Variants in BACH2 observed in about 807,000 individuals in gnomAD.
BACH2 encodes transcription regulator protein BACH2.
In BACH2, 5 loss-of-function variants were observed where a neutral mutation model predicts 61.8. The observed-to-expected ratio is 0.08, with a 90% CI of 0.04 to 0.17. BACH2 has a LOEUF of 0.17. Among genes scored for constraint, BACH2 ranks in the 10% least tolerant of loss-of-function variants. The pLI, the probability that BACH2 is intolerant of heterozygous loss-of-function variation, is 1.00. For synonymous variants in BACH2, 446 were observed against 440.1 expected, an observed-to-expected ratio of 1.01 and a Z score of -0.17; for missense variants, 824 against 1,091.1, an observed-to-expected ratio of 0.76 and a Z score of 3.45.
intron 5 of BACH2, among the ~76,000 whole-genome samples, chr6:90,085,552 T>C (rs562804811): frequency 6.9e-4 from 105 of 152,282 alleles, no homozygotes; most frequent in Admixed American, 1.2e-3. Context: ...GAGACCACAG[T>C]TGTTTAAGGC....
chr6:90,054,256 T>A (rs1274416996), intron 5 of BACH2, among the ~76,000 whole-genome samples: 3 of 152,172 alleles, frequency 2.0e-5, no homozygotes, highest in African/African-American at 7.2e-5. Flanking sequence ...GAAAATCAGG[T>A]CACTTCCACC....
At position 90,008,974 on chromosome 6, in the gene BACH2, C is replaced by T. The variant is rs143840758; in HGVS notation, c.-12-118G>A. The T allele has an allele frequency of 7.8e-3, 9,697 of 1,251,216 alleles. 53 individuals are homozygous for T. Among genetic ancestry groups the T allele is most frequent in the Middle Eastern group, 0.015 (52 of 3,538 alleles). The allele number at this position is 1,251,216 out of a possible 1,614,324, so 77.5% of individuals were successfully genotyped here. ...GGTTCCTGTGTCCCACTGCCATGAGCATGGCAGGAAGGAGGGGAATTACCA... is the reference window on the plus strand; with the variant it reads ...GGTTCCTGTGTCCCACTGCCATGAGTATGGCAGGAAGGAGGGGAATTACCA... On this transcript the variant is annotated intron_variant, in intron 5 of 8. Coordinates refer to ENST00000257749, the MANE Select transcript of BACH2 (RefSeq NM_021813.4). This position sits in a 1 kb window ranked among gnomAD's most constrained non-coding sequence, Gnocchi z 4.1.
At chr6:90,172,286 A>G (rs1288158881) in intron 4 of BACH2, among the ~76,000 whole-genome samples, 1 of 146,158 alleles carries the variant, frequency 6.8e-6, no homozygotes, top group African/African-American at 2.6e-5. Flanking sequence ...AGCCCGGGTG[A>G]CAGAGCAAGA....
chr6:90,057,719 T>A (rs1360347439), intron 5 of BACH2, among the ~76,000 whole-genome samples: 2 of 152,148 alleles, frequency 1.3e-5, no homozygotes, highest in African/African-American at 4.8e-5. Context: ...GATGCAAAAA[T>A]CCTCAAGAAA....
intron 5 of BACH2, among the ~76,000 whole-genome samples, chr6:90,025,958 C>T (rs1778612419): frequency 6.6e-6 from 1 of 152,158 alleles, no homozygotes; most frequent in Admixed American, 6.5e-5. Context: ...GAAGGCACTG[C>T]AGATTTGTAC....
chr6:90,158,421 A>G (rs1308231062), intron 4 of BACH2, among the ~76,000 whole-genome samples: 2 of 150,600 alleles, frequency 1.3e-5, no homozygotes, highest in African/African-American at 4.9e-5. Flanking sequence ...TCGAGAAGAA[A>G]GGCAGGTGTG....
chr6:90,208,247 A>C (rs573723719), intron 3 of BACH2, among the ~76,000 whole-genome samples: 1 of 152,356 alleles, frequency 6.6e-6, no homozygotes, highest in East Asian at 1.9e-4. Context: ...AGCAAAAGAA[A>C]CTATCAGCAG....
At chr6:90,130,114 G>C (rs1562464083) in intron 4 of BACH2, among the ~76,000 whole-genome samples, 1 of 152,124 alleles carries the variant, frequency 6.6e-6, no homozygotes, top group Non-Finnish European at 1.5e-5. Context: ...CATGTGATCT[G>C]CCTGCTTTGC....
At position 90,065,270 on chromosome 6, in the gene BACH2, C is replaced by CTTTTTTTTTTTTTTTTTTTTTTT. The variant is rs71027920; in HGVS notation, c.-13+23668_-13+23690dup. Among the ~76,000 whole-genome samples, 52 of 52,666 alleles carry CTTTTTTTTTTTTTTTTTTTTTTT rather than the reference C, an allele frequency of 9.9e-4. 11 individuals carry two copies. The highest frequency in any genetic ancestry group is 2.2e-3 in the Admixed American group (6 of 2,720). The allele number at this position is 52,666 out of a possible 152,430, so 34.6% of individuals were successfully genotyped here. ...GCCACCCCACCCCCTGCCGCCCCCA[C>CTTTTTTTTTTTTTTTTTTTTTTT]TTTTTTTTTTTTTTTTTTTTTTTTT... On this transcript the variant is annotated intron_variant, in intron 5 of 8. Transcript: ENST00000257749.
intron 6 of BACH2, among the ~76,000 whole-genome samples, chr6:89,994,169 G>T (rs528679987): frequency 5.9e-5 from 9 of 152,056 alleles, no homozygotes; most frequent in Admixed American, 2.0e-4. Flanking sequence ...GTATACCAAG[G>T]GAATGGGAAA....
intron 5 of BACH2, among the ~76,000 whole-genome samples, chr6:90,016,307 C>T (rs963407010): frequency 5.4e-4 from 82 of 152,112 alleles, no homozygotes; most frequent in African/African-American, 1.6e-3. Flanking sequence ...CATTTTGCTA[C>T]TTGTTTTCTA....
At chr6:90,108,370 C>G (rs2127814962) in intron 4 of BACH2, among the ~76,000 whole-genome samples, 1 of 152,294 alleles carries the variant, frequency 6.6e-6, no homozygotes, top group Middle Eastern at 3.4e-3. Flanking sequence ...CTGTCAATCC[C>G]TATTGTCTCA....
intron 7 of BACH2, among the ~76,000 whole-genome samples, chr6:89,945,678 T>C (rs75454571): frequency 0.014 from 2,127 of 152,320 alleles, 51 homozygotes; most frequent in African/African-American, 0.048. Context: ...GAATTGTTCA[T>C]CTTAGTAGGG....
intron 4 of BACH2, among the ~76,000 whole-genome samples, chr6:90,200,169 G>A (rs1582477310): frequency 1.3e-5 from 2 of 152,146 alleles, no homozygotes; most frequent in Non-Finnish European, 2.9e-5. Context: ...GAGAAAGGGT[G>A]AAACAGGTAA....
At chr6:90,186,815 T>C (rs917221356) in intron 4 of BACH2, among the ~76,000 whole-genome samples, 7 of 152,166 alleles carry the variant, frequency 4.6e-5, no homozygotes, top group Non-Finnish European at 7.3e-5. Flanking sequence ...ATTTTACAGA[T>C]GATAGGTTTA....
At chr6:90,114,614 G>C (rs1250445229) in intron 4 of BACH2, among the ~76,000 whole-genome samples, 3 of 152,154 alleles carry the variant, frequency 2.0e-5, no homozygotes, top group African/African-American at 7.2e-5. Flanking sequence ...CACAAGACAA[G>C]GGTGCCCTCT....
chr6:90,203,976 G>A (rs1269522489), intron 4 of BACH2, among the ~76,000 whole-genome samples: 5 of 152,082 alleles, frequency 3.3e-5, no homozygotes, highest in Admixed American at 2.0e-4. Context: ...AAATTAGTGC[G>A]GCCAACTGCT....
chr6:89,976,625 T>C (rs16882326), intron 6 of BACH2, among the ~76,000 whole-genome samples: 2,416 of 152,292 alleles, frequency 0.016, 59 homozygotes, highest in African/African-American at 0.054. Flanking sequence ...GCATTATGGG[T>C]CACGTACCCA....
At chr6:90,251,551 CTT>C (rs1410886440) in intron 3 of BACH2, among the ~76,000 whole-genome samples, 3 of 97,402 alleles carry the variant, frequency 3.1e-5, no homozygotes, top group Non-Finnish European at 9.1e-5. Flanking sequence ...AATCAACACT[CTT>C]TTGCTAGTCA....
Sources: gnomAD v4.1 joint callset for allele counts (sites outside exome capture counted in the v4.1 genomes callset) on GRCh38, gnomAD v4.1.1 for gene constraint, Gnocchi (gnomAD v3.1) non-coding constraint, MANE v1.5 for transcripts, NCBI Gene and HGNC (gene_info 2026-07-23, HGNC 2026-07-21) for gene names.